Variants in ATP2B4 observed in about 807,000 individuals in gnomAD.
ATP2B4 encodes plasma membrane calcium-transporting ATPase 4.
A neutral mutation model predicts 110.3 loss-of-function variants in ATP2B4; 39 were observed. The observed-to-expected ratio is 0.35, with a 90% CI of 0.27 to 0.46. The LOEUF (loss-of-function observed/expected upper bound fraction) is 0.46, where lower values mean the gene tolerates loss of function less well. Ranked by LOEUF, ATP2B4 falls within the 20% of genes least tolerant of loss-of-function variation. The pLI is 1.00. For synonymous variants in ATP2B4, 538 were observed against 571.7 expected (o/e 0.94, Z 0.84); for missense variants, 1,135 against 1,530.9 (o/e 0.74, Z 4.32).
At chr1:203,688,858 A>T (rs1337000779) in intron 2 of ATP2B4, among the ~76,000 whole-genome samples, 1 of 152,206 alleles carries the variant, frequency 6.6e-6, no homozygotes, top group Non-Finnish European at 1.5e-5. Context: ...TAAAGATTTC[A>T]GTCTTTATGT....
intron 20 of ATP2B4, among the ~76,000 whole-genome samples, chr1:203,734,139 A>C (rs1666815757): frequency 6.6e-6 from 1 of 152,080 alleles, no homozygotes. Context: ...GTCTCTACTA[A>C]AAATACAAAA....
intron 15 of ATP2B4, among the ~76,000 whole-genome samples, chr1:203,719,059 C>G (rs1049220885): frequency 6.6e-6 from 1 of 151,508 alleles, no homozygotes. Flanking sequence ...ACTCCCATCT[C>G]TAAAAAAAAT....
intron 1 of ATP2B4, among the ~76,000 whole-genome samples, chr1:203,660,908 C>T (rs937189746): frequency 1.3e-5 from 2 of 151,608 alleles, no homozygotes; most frequent in African/African-American, 2.4e-5. Context: ...GTTAGGAGTT[C>T]GAGACCAGCT....
At chr1:203,686,523 C>T (rs960960286) in intron 2 of ATP2B4, among the ~76,000 whole-genome samples, 1 of 152,076 alleles carries the variant, frequency 6.6e-6, no homozygotes, top group Non-Finnish European at 1.5e-5. Flanking sequence ...GATCCTTTCC[C>T]AGTCCTGGTT....
chr1:203,717,626 T>TTTATTTTATTTATTTA (rs1553250580), intron 15 of ATP2B4, among the ~76,000 whole-genome samples: 3 of 144,226 alleles, frequency 2.1e-5, no homozygotes, highest in East Asian at 2.0e-4. Context: ...ATGGTATTTA[T>TTTATTTTATTTATTTA]TTTATTTATT....
Position 203,700,854 on chromosome 1 carries a change from T to G in ATP2B4, c.832T>G (p.Ser278Ala). 1 of 1,613,788 alleles carries G rather than the reference T, an allele frequency of 6.2e-7. No homozygotes were observed. Among genetic ancestry groups the G allele is most frequent in the East Asian group, 2.2e-5 (1 of 44,872 alleles). Residue 278 changes from serine to alanine, a missense_variant, in exon 6 of 21, where the codon TCT becomes GCT. By Grantham distance (99) the Ser-to-Ala change is moderately conservative (BLOSUM62 1). Around this residue, in one of 9 missense-constraint regions of ATP2B4, gnomAD observed 162 missense variants for 210.5 expected, o/e 0.77. Coordinates refer to ENST00000357681, the MANE Select transcript of ATP2B4 (RefSeq NM_001684.5). ...RMVVTAVGVN[S>A]QTGIILTLLG... ...GGTGGTGACAGCTGTTGGTGTCAAC[T>G]CTCAGACTGGAATCATCCTTACTCT...
intron 1 of ATP2B4, among the ~76,000 whole-genome samples, chr1:203,658,781 G>A (rs1302657049): frequency 6.6e-6 from 1 of 152,020 alleles, no homozygotes; most frequent in East Asian, 1.9e-4. Context: ...TGAGGCGGGT[G>A]GATCACAAGG....
chr1:203,727,644 A>G, intron 20 of ATP2B4, 73 bp downstream of exon 20: 1 of 1,569,046 alleles, frequency 6.4e-7, no homozygotes, highest in Non-Finnish European at 8.7e-7. Context: ...GGAGGGTAGC[A>G]GTTCTTGTCG....
intron 12 of ATP2B4, 147 bp downstream of exon 12, chr1:203,711,255 G>A: frequency 1.4e-6 from 1 of 722,986 alleles, no homozygotes; most frequent in Non-Finnish European, 2.3e-6. Context: ...CTGCTGTGGA[G>A]TGCCAGTATG....
intron 2 of ATP2B4, among the ~76,000 whole-genome samples, chr1:203,688,711 G>A (rs1367377499): frequency 6.6e-6 from 1 of 152,138 alleles, no homozygotes; most frequent in Non-Finnish European, 1.5e-5. Context: ...AGAAGGCTTG[G>A]AGATGTTTAG....
At chr1:203,660,093 A>AG (rs1553245072) in intron 1 of ATP2B4, among the ~76,000 whole-genome samples, 1 of 147,918 alleles carries the variant, frequency 6.8e-6, no homozygotes, top group Non-Finnish European at 1.5e-5. Context: ...AAAAAAAAAA[A>AG]AAAAAAAGAA....
chr1:203,661,581 T>C (rs982997889), intron 1 of ATP2B4, among the ~76,000 whole-genome samples: 4 of 152,162 alleles, frequency 2.6e-5, no homozygotes, highest in Admixed American at 2.0e-4. Context: ...GATGCCTTTC[T>C]CCTGCTCTTT....
At chr1:203,638,917 G>A (rs757820374) in intron 1 of ATP2B4, among the ~76,000 whole-genome samples, 1 of 152,192 alleles carries the variant, frequency 6.6e-6, no homozygotes, top group African/African-American at 2.4e-5. Context: ...GGCACTGCCC[G>A]TATCACCGTG....
intron 1 of ATP2B4, among the ~76,000 whole-genome samples, chr1:203,666,720 G>A (rs1003824910): frequency 2.6e-5 from 4 of 152,106 alleles, no homozygotes; most frequent in African/African-American, 9.7e-5. Flanking sequence ...TCTTTGCCCT[G>A]TTATGGAAAC....
chr1:203,713,448 G>GTTTTTTTT (rs779704853), intron 14 of ATP2B4, among the ~76,000 whole-genome samples, 196 bp downstream of exon 14: 2 of 151,704 alleles, frequency 1.3e-5, no homozygotes, highest in African/African-American at 4.9e-5. Context: ...AAGTTGTTGG[G>GTTTTTTTT]TTTTTATTTT....
chr1:203,702,628 C>T (rs1665728095), intron 7 of ATP2B4, among the ~76,000 whole-genome samples: 1 of 152,220 alleles, frequency 6.6e-6, no homozygotes. Flanking sequence ...TTTCTTCCTC[C>T]TGATCTGATG....
At chr1:203,640,748 G>A (rs890706360) in intron 1 of ATP2B4, among the ~76,000 whole-genome samples, 3 of 152,122 alleles carry the variant, frequency 2.0e-5, no homozygotes, top group Admixed American at 6.5e-5. Context: ...CAGTGAGGTC[G>A]ATATTAGCAT....
At chr1:203,699,783 C>A in intron 4 of ATP2B4, 66 bp downstream of exon 4, 1 of 1,580,540 alleles carries the variant, frequency 6.3e-7, no homozygotes, top group Non-Finnish European at 8.6e-7. Context: ...GGTCCTTTGG[C>A]ATGAGGGGGC....
chr1:203,675,106 C>T (rs929873604), intron 1 of ATP2B4, among the ~76,000 whole-genome samples: 3 of 152,162 alleles, frequency 2.0e-5, no homozygotes, highest in Non-Finnish European at 2.9e-5. Context: ...CTTCCTCCCA[C>T]CACACTGTTT....
Sources: gnomAD v4.1 joint callset for allele counts (sites outside exome capture counted in the v4.1 genomes callset) on GRCh38, gnomAD v4.1.1 for gene constraint, gnomAD v4.1.1 regional missense constraint, MANE v1.5 for transcripts, NCBI Gene and HGNC (gene_info 2026-07-23, HGNC 2026-07-21) for gene names.